The following ATAD1 variants were observed in gnomAD, a reference collection of about 807,000 sequenced individuals.
ATAD1 encodes the protein outer mitochondrial transmembrane helix translocase.
In ATAD1, 18 loss-of-function variants were observed where a neutral mutation model predicts 42.7. That is an observed-to-expected ratio of 0.42 (90% CI 0.29 to 0.63). ATAD1 has a LOEUF of 0.63. ATAD1 is among the 20% of genes least tolerant of loss of function. ATAD1 has a pLI of 0.19. For synonymous variants in ATAD1, 132 were observed against 143.1 expected, an observed-to-expected ratio of 0.92 and a Z score of 0.55; for missense variants, 294 against 440.4, an observed-to-expected ratio of 0.67 and a Z score of 2.98.
At chr10:87,823,088 A>T (rs944318662), upstream of ATAD1, among the ~76,000 whole-genome samples, 8 of 151,488 alleles carry the variant, frequency 5.3e-5, no homozygotes, top group South Asian at 2.1e-4. Context: ...AAAAGAAGAG[A>T]ACTAAAAAAA....
chr10:87,774,179 T>G (rs1391988464), intron 6 of ATAD1, among the ~76,000 whole-genome samples: 2 of 152,186 alleles, frequency 1.3e-5, no homozygotes, highest in African/African-American at 4.8e-5. Context: ...CCTTAAACCC[T>G]CTGGCCACAA....
chr10:87,792,570 G>T, intron 3 of ATAD1, 87 bp downstream of exon 3: 2 of 932,022 alleles, frequency 2.1e-6, no homozygotes, highest in Non-Finnish European at 1.7e-6. Context: ...CAAAGAACCC[G>T]GCCGTGATCT....
intron 5 of ATAD1, among the ~76,000 whole-genome samples, chr10:87,780,291 T>C (rs1184090672): frequency 6.6e-6 from 1 of 152,148 alleles, no homozygotes; most frequent in East Asian, 1.9e-4. Flanking sequence ...GATCAGCGGA[T>C]GCTAGCAGTT....
chr10:87,788,403 CAAAAAGTAA>C lies in ATAD1; in HGVS notation c.382+1898_382+1906del, dbSNP rs139767188. On this transcript the variant is annotated intron_variant, in intron 4 of 9. Coordinates refer to ENST00000680024, the MANE Select transcript of ATAD1 (RefSeq NM_001321967.2). ...CCAATATCCAATTTATATTGAGGGT[CAAAAAGTAA>C]ATTAATGATCTTCAAAACTGTTATT... Among the ~76,000 whole-genome samples the C allele has an allele frequency of 7.7e-3, 1,179 of 152,242 alleles. 18 individuals are homozygous for C. Among genetic ancestry groups the C allele is most frequent in the African/African-American group, 0.027 (1,136 of 41,534 alleles).
intron 7 of ATAD1, among the ~76,000 whole-genome samples, chr10:87,769,776 T>C (rs1192703703): frequency 1.3e-5 from 2 of 151,992 alleles, no homozygotes; most frequent in Non-Finnish European, 2.9e-5. Context: ...TGAAACCCCG[T>C]CTCTACTAAT....
chr10:87,823,358 A>G (rs1194650356), intron 1 of ATAD1, among the ~76,000 whole-genome samples: 3 of 152,178 alleles, frequency 2.0e-5, no homozygotes, highest in African/African-American at 7.2e-5. Flanking sequence ...TACAACCTAC[A>G]ATATTTTATT....
upstream of ATAD1, among the ~76,000 whole-genome samples, chr10:87,822,798 T>C (rs901576543): frequency 3.3e-5 from 5 of 152,148 alleles, no homozygotes; most frequent in Admixed American, 2.0e-4. Context: ...ATAATTGGAA[T>C]GTCTGTAACA....
rs1261208105 is a variant in ATAD1 at position 87,753,722 on chromosome 10, G to T, written c.*965C>A. 6.6e-6 allele frequency: 1 copy of T among 152,166 alleles called. No individual in the cohort carries two copies. Among genetic ancestry groups the T allele is most frequent in the Non-Finnish European group, 1.5e-5 (1 of 67,944 alleles). The allele number at this position is 152,166 out of a possible 1,614,324, so 9.4% of individuals were successfully genotyped here. ...TGTTTTAAACTATTATTTCATTTTT[G>T]GTGACCAAATTATATTTGACCATAA... On this transcript the variant is annotated 3_prime_UTR_variant, in exon 10 of 10. Coordinates refer to ENST00000680024, the MANE Select transcript of ATAD1 (RefSeq NM_001321967.2).
At chr10:87,792,182 G>A (rs775038290) in intron 3 of ATAD1, among the ~76,000 whole-genome samples, 5 of 152,176 alleles carry the variant, frequency 3.3e-5, no homozygotes, top group African/African-American at 7.2e-5. Context: ...ACAATTTCTT[G>A]ACAAGAACAG....
intron 2 of ATAD1, among the ~76,000 whole-genome samples, chr10:87,793,957 C>T (rs1856253736): frequency 6.6e-6 from 1 of 151,626 alleles, no homozygotes; most frequent in Non-Finnish European, 1.5e-5. Context: ...ACTATGGGGG[C>T]CAGGAATGGG....
intron 6 of ATAD1, among the ~76,000 whole-genome samples, chr10:87,772,586 G>GAAAAAGGGA (rs1161815234): frequency 1.3e-5 from 2 of 151,936 alleles, no homozygotes; most frequent in Non-Finnish European, 2.9e-5. Context: ...ATTTGGGGGG[G>GAAAAAGGGA]AAAAAGGGAA....
intron 8 of ATAD1, among the ~76,000 whole-genome samples, chr10:87,762,380 T>A (rs1854520282): frequency 6.6e-6 from 1 of 152,200 alleles, no homozygotes; most frequent in Admixed American, 6.5e-5. Context: ...AACTATCCCC[T>A]TTATTTTCTT....
rs149704221 is a variant in ATAD1, at chr10:87,751,740, T to C, written c.*2947A>G. 11 of 152,320 alleles carry C rather than the reference T, an allele frequency of 7.2e-5. No homozygotes were observed. In the East Asian group the frequency reaches 2.1e-3, roughly 29 times the overall value. 9.4% of individuals were successfully genotyped at this position (152,320 alleles called of 1,614,324 possible). ...TAGATGGAATTATTCTATGACTTCATTTGAAGCACCCAGTTGGTGCTGGAG... is the reference window on the plus strand; with the variant it reads ...TAGATGGAATTATTCTATGACTTCACTTGAAGCACCCAGTTGGTGCTGGAG... On this transcript the variant is annotated 3_prime_UTR_variant, in exon 10 of 10. Coordinates refer to ENST00000680024, the MANE Select transcript of ATAD1 (RefSeq NM_001321967.2).
chr10:87,755,265 A>G (rs1854169239), intron 9 of ATAD1, among the ~76,000 whole-genome samples: 1 of 152,202 alleles, frequency 6.6e-6, no homozygotes, highest in Non-Finnish European at 1.5e-5. Context: ...CTTTTTACAA[A>G]TTGAGAGTAA....
At chr10:87,808,560 C>CA (rs548362846) in intron 2 of ATAD1, among the ~76,000 whole-genome samples, 81 of 152,130 alleles carry the variant, frequency 5.3e-4, no homozygotes, top group Admixed American at 4.0e-3. Context: ...AAAGAAAACA[C>CA]AAAAAACAAA....
chr10:87,760,082 T>G (rs930292817), intron 8 of ATAD1, among the ~76,000 whole-genome samples: 2 of 152,220 alleles, frequency 1.3e-5, no homozygotes, highest in Non-Finnish European at 2.9e-5. Flanking sequence ...TTTATTATTA[T>G]ATCCACCATT....
intron 6 of ATAD1, among the ~76,000 whole-genome samples, chr10:87,773,539 C>T (rs1348678703): frequency 6.6e-6 from 1 of 152,150 alleles, no homozygotes; most frequent in Non-Finnish European, 1.5e-5. Flanking sequence ...CTTTAACCCC[C>T]GCCCCCAAAA....
intron 2 of ATAD1, among the ~76,000 whole-genome samples, chr10:87,807,165 CG>C (rs1856963552): frequency 1.3e-5 from 2 of 152,102 alleles, no homozygotes; most frequent in Non-Finnish European, 2.9e-5. Flanking sequence ...GAATTCAGAA[CG>C]GTAGAAGGAA....
chr10:87,811,908 A>T (rs960350364), intron 2 of ATAD1, among the ~76,000 whole-genome samples: 8 of 152,154 alleles, frequency 5.3e-5, no homozygotes, highest in African/African-American at 1.9e-4. Context: ...TGCCCTACCT[A>T]CCAGTTTCCA....
Sources: gnomAD v4.1 joint callset for allele counts (sites outside exome capture counted in the v4.1 genomes callset) on GRCh38, gnomAD v4.1.1 for gene constraint, MANE v1.5 for transcripts, NCBI Gene and HGNC (gene_info 2026-07-23, HGNC 2026-07-21) for gene names.